HEMK2: variants seen among roughly 807,000 people sequenced by gnomAD.
The protein encoded by HEMK2 is methyltransferase HEMK2.
At chr21:28,743,829 G>A in the HEMK2 span, among the ~76,000 whole-genome samples, 1 of 152,202 alleles carries the variant, frequency 6.6e-6, no homozygotes, top group African/African-American at 2.4e-5. Flanking sequence ...AAGGGTTGCT[G>A]TGGGTACTGA....
chr21:28,636,692 C>A, the HEMK2 span, among the ~76,000 whole-genome samples: 114 of 152,216 alleles, frequency 7.5e-4, 1 homozygote, highest in Non-Finnish European at 1.1e-3. Context: ...ATCAATATTG[C>A]AATGAAGAAA....
chr21:28,637,057 TCA>T, the HEMK2 span, among the ~76,000 whole-genome samples: 4 of 152,216 alleles, frequency 2.6e-5, no homozygotes, highest in African/African-American at 9.6e-5. Context: ...TTTGCTGTGC[TCA>T]GAGTCGACTG....
At chr21:28,795,515 G>T in the HEMK2 span, among the ~76,000 whole-genome samples, 1 of 152,296 alleles carries the variant, frequency 6.6e-6, no homozygotes, top group South Asian at 2.1e-4. Context: ...CTCTTTATCT[G>T]CAATACCTAC....
chr21:28,877,269 G>A, the HEMK2 span, among the ~76,000 whole-genome samples: 1 of 105,034 alleles, frequency 9.5e-6, no homozygotes, highest in East Asian at 2.3e-4. Flanking sequence ...GGGAAGGAAG[G>A]AAGGAAGGAA....
the HEMK2 span, among the ~76,000 whole-genome samples, chr21:28,686,338 G>A: frequency 6.6e-6 from 1 of 152,012 alleles, no homozygotes; most frequent in African/African-American, 2.4e-5. Flanking sequence ...AGGTTCAAGC[G>A]ACTCTCCTGC....
At chr21:28,710,058 C>T in the HEMK2 span, among the ~76,000 whole-genome samples, 3 of 152,200 alleles carry the variant, frequency 2.0e-5, no homozygotes, top group African/African-American at 7.2e-5. Flanking sequence ...CCTGTTAAAA[C>T]ACCTAGAATT....
At chr21:28,812,004 C>A in the HEMK2 span, among the ~76,000 whole-genome samples, 1 of 152,114 alleles carries the variant, frequency 6.6e-6, no homozygotes, top group African/African-American at 2.4e-5. Context: ...TCCTAAGGTC[C>A]AGATGTGTTA....
chr21:28,771,521 C>CCCCCCCCCCCCCCCCA, the HEMK2 span, among the ~76,000 whole-genome samples: 3 of 131,474 alleles, frequency 2.3e-5, no homozygotes, highest in Non-Finnish European at 3.3e-5. Context: ...ATGCACCACC[C>CCCCCCCCCCCCCCCCA]CCCCCCGCCA....
At chr21:28,607,623 C>T in the HEMK2 span, among the ~76,000 whole-genome samples, 1 of 152,098 alleles carries the variant, frequency 6.6e-6, no homozygotes, top group African/African-American at 2.4e-5. Context: ...TCTTTGTCTG[C>T]CTTTGAGATT....
At chr21:28,701,239 C>G in the HEMK2 span, among the ~76,000 whole-genome samples, 6 of 150,462 alleles carry the variant, frequency 4.0e-5, no homozygotes, top group Non-Finnish European at 8.9e-5. Context: ...CAGAACAAGA[C>G]AAGAATGCCC....
chr21:28,656,165 T>A, the HEMK2 span, among the ~76,000 whole-genome samples: 1 of 151,984 alleles, frequency 6.6e-6, no homozygotes, highest in Non-Finnish European at 1.5e-5. Flanking sequence ...GGCCGAGGTA[T>A]CTCTTAACTA....
the HEMK2 span, among the ~76,000 whole-genome samples, chr21:28,854,606 G>A: frequency 0.16 from 24,997 of 152,064 alleles, 2,531 homozygotes; most frequent in East Asian, 0.49. Flanking sequence ...GCAGGCTGAG[G>A]AGCAAGGAGA....
At chr21:28,714,266 C>T in the HEMK2 span, among the ~76,000 whole-genome samples, 1 of 152,010 alleles carries the variant, frequency 6.6e-6, no homozygotes, top group Non-Finnish European at 1.5e-5. Flanking sequence ...ATTTGGCTTC[C>T]CATTGTATCA....
chr21:28,770,833 T>C, the HEMK2 span, among the ~76,000 whole-genome samples: 1 of 152,142 alleles, frequency 6.6e-6, no homozygotes, highest in Admixed American at 6.5e-5. Context: ...TATTCTCTCA[T>C]AGCAGCATCA....
At chr21:28,607,401 A>C in the HEMK2 span, among the ~76,000 whole-genome samples, 38 of 152,104 alleles carry the variant, frequency 2.5e-4, no homozygotes, top group African/African-American at 8.9e-4. Flanking sequence ...ATACAGCGAG[A>C]CTCCATCTCA....
At chr21:28,883,269 G>C in the HEMK2 span, among the ~76,000 whole-genome samples, 1 of 151,796 alleles carries the variant, frequency 6.6e-6, no homozygotes, top group Non-Finnish European at 1.5e-5. Flanking sequence ...CTAATATTTT[G>C]GGTACGTAAT....
the HEMK2 span, among the ~76,000 whole-genome samples, chr21:28,748,564 T>C: frequency 6.6e-6 from 1 of 152,184 alleles, no homozygotes; most frequent in African/African-American, 2.4e-5. Context: ...CTGTGAGGTT[T>C]GGGGATTATT....
the HEMK2 span, among the ~76,000 whole-genome samples, chr21:28,636,839 T>C: frequency 1.3e-5 from 2 of 152,314 alleles, no homozygotes; most frequent in East Asian, 3.9e-4. Context: ...CCATCACTTT[T>C]ACCCGAGTCC....
the HEMK2 span, among the ~76,000 whole-genome samples, chr21:28,877,397 G>A: frequency 3.8e-5 from 1 of 26,002 alleles, no homozygotes. Context: ...AGGAAGGAAG[G>A]GAAGAAAAAA....
Sources: gnomAD v4.1 joint callset for allele counts (sites outside exome capture counted in the v4.1 genomes callset) on GRCh38, gnomAD v4.1.1 for gene constraint, MANE v1.5 for transcripts, NCBI Gene and HGNC (gene_info 2026-07-23, HGNC 2026-07-21) for gene names.